The following UPK1B variants were observed in gnomAD, a reference collection of about 807,000 sequenced individuals.
UPK1B encodes uroplakin-1b.
Under a neutral mutation model 34.2 loss-of-function variants are expected in UPK1B, and 28 were observed. That is an observed-to-expected ratio of 0.82 (90% CI 0.61 to 1.12). UPK1B has a LOEUF of 1.12. Among genes scored for constraint, UPK1B ranks in the 50% most tolerant of loss-of-function variants. The pLI, the probability that UPK1B is intolerant of heterozygous loss-of-function variation, is 0.00. For missense variants in UPK1B, 325 were observed against 320.9 expected (o/e 1.01, Z -0.10); for synonymous variants, 81 against 110.4 (o/e 0.73, Z 1.67).
intron 4 of UPK1B, 132 bp from the exon 5 acceptor site, chr3:119,190,850 G>C: frequency 5.5e-6 from 7 of 1,277,844 alleles, no homozygotes; most frequent in Non-Finnish European, 7.6e-6. Context: ...GCTGTACTTG[G>C]TGCCTCTGAG....
intron 3 of UPK1B, among the ~76,000 whole-genome samples, chr3:119,188,953 T>C (rs927330634): frequency 1.3e-5 from 2 of 152,092 alleles, no homozygotes; most frequent in African/African-American, 4.8e-5. Context: ...TTAGTGTGCG[T>C]AAGTTCCAGG....
intron 1 of UPK1B, among the ~76,000 whole-genome samples, chr3:119,180,969 G>A (rs149273544): frequency 6.6e-6 from 1 of 150,750 alleles, no homozygotes; most frequent in African/African-American, 2.4e-5. Flanking sequence ...ATGAGGGGCA[G>A]GGGGAAGTCT....
In UPK1B at chr3:119,191,121, T is replaced by C; in HGVS notation, c.468+17T>C. 1 of 1,612,650 alleles carries C rather than the reference T, an allele frequency of 6.2e-7. No homozygotes were observed. Among genetic ancestry groups the C allele is most frequent in the African/African-American group, 1.3e-5 (1 of 74,950 alleles). On this transcript the variant is annotated intron_variant, in intron 5 of 7. Transcript: ENST00000264234. ...ATGCTCCAGGTAAGACCTGTGGTCT[T>C]GGGGAGATGCCATTTTTACTTACTG...
intron 3 of UPK1B, among the ~76,000 whole-genome samples, chr3:119,189,323 C>T (rs2078033867): frequency 6.6e-6 from 1 of 152,186 alleles, no homozygotes; most frequent in African/African-American, 2.4e-5. Context: ...GGGTCCTGCT[C>T]GGAGAGCCTC....
intron 1 of UPK1B, among the ~76,000 whole-genome samples, chr3:119,185,567 T>G (rs1414404187): frequency 6.6e-6 from 1 of 151,562 alleles, no homozygotes; most frequent in Non-Finnish European, 1.5e-5. Context: ...CTCAGGACTC[T>G]CACAATATTT....
At chr3:119,193,787 A>G (rs1036816670) in intron 5 of UPK1B, among the ~76,000 whole-genome samples, 105 of 152,148 alleles carry the variant, frequency 6.9e-4, no homozygotes, top group Non-Finnish European at 6.3e-4. Flanking sequence ...CCTCTCTCAC[A>G]TTGTTATATC....
At chr3:119,200,073 T>G (rs909344707) in intron 7 of UPK1B, among the ~76,000 whole-genome samples, 12 of 152,228 alleles carry the variant, frequency 7.9e-5, no homozygotes, top group Admixed American at 7.9e-4. Flanking sequence ...ATTTGCACCT[T>G]CATTCAATCT....
At chr3:119,189,614 G>A (rs1432054142) in intron 3 of UPK1B, among the ~76,000 whole-genome samples, 1 of 152,194 alleles carries the variant, frequency 6.6e-6, no homozygotes, top group Non-Finnish European at 1.5e-5. Flanking sequence ...TCACTCAACT[G>A]AACCAATGTA....
At chr3:119,197,253 G>A (rs1464067346) in intron 6 of UPK1B, among the ~76,000 whole-genome samples, 1 of 152,114 alleles carries the variant, frequency 6.6e-6, no homozygotes, top group Non-Finnish European at 1.5e-5. Context: ...AATGCTATGT[G>A]CAAATTGTGA....
intron 1 of UPK1B, among the ~76,000 whole-genome samples, chr3:119,180,601 A>G (rs559854772): frequency 4.5e-4 from 68 of 152,258 alleles, no homozygotes; most frequent in African/African-American, 1.5e-3. Flanking sequence ...TAGAGAAGTC[A>G]CCATTTGTCC....
chr3:119,196,835 G>A (rs2078070106), intron 6 of UPK1B, among the ~76,000 whole-genome samples: 1 of 151,970 alleles, frequency 6.6e-6, no homozygotes, highest in Admixed American at 6.6e-5. Flanking sequence ...ACCGTGCCCA[G>A]CCTGGTTTTT....
At chr3:119,177,144 T>C (rs886592594) in intron 1 of UPK1B, among the ~76,000 whole-genome samples, 2 of 152,218 alleles carry the variant, frequency 1.3e-5, no homozygotes, top group Non-Finnish European at 2.9e-5. Flanking sequence ...GAGTCTCAAA[T>C]TGTGGCATTC....
At chr3:119,176,146 T>C (rs971744230) in intron 1 of UPK1B, 1 of 152,280 alleles carries the variant, frequency 6.6e-6, no homozygotes, top group Non-Finnish European at 1.5e-5. Context: ...TGTTTCTTTG[T>C]TTCTTCCTCT....
At chr3:119,183,231 C>T (rs1238284779) in intron 1 of UPK1B, among the ~76,000 whole-genome samples, 4 of 151,772 alleles carry the variant, frequency 2.6e-5, no homozygotes, top group Non-Finnish European at 4.4e-5. Context: ...AGCAATGTGG[C>T]CTTGGGCAAA....
At chr3:119,203,340 C>CAAAA (rs55752613) in intron 7 of UPK1B, among the ~76,000 whole-genome samples, 2,095 of 61,908 alleles carry the variant, frequency 0.034, 236 homozygotes, top group Middle Eastern at 0.05. Context: ...AACTCCGTCT[C>CAAAA]AAAAAAAAAA....
intron 5 of UPK1B, 42 bp downstream of exon 5, chr3:119,191,146 G>T (rs2078042384): frequency 1.9e-6 from 3 of 1,606,750 alleles, no homozygotes; most frequent in Non-Finnish European, 2.6e-6. Context: ...TTTACTTACT[G>T]GTGGGAGTGG....
At chr3:119,188,485 C>G (rs749172418) in intron 3 of UPK1B, among the ~76,000 whole-genome samples, 1 of 152,148 alleles carries the variant, frequency 6.6e-6, no homozygotes, top group Non-Finnish European at 1.5e-5. Flanking sequence ...TGTATCATAG[C>G]CTATACTCCC....
intron 7 of UPK1B, among the ~76,000 whole-genome samples, chr3:119,203,379 A>T (rs957639905): frequency 1.3e-5 from 2 of 150,238 alleles, no homozygotes; most frequent in African/African-American, 4.9e-5. Flanking sequence ...TCTGATATCT[A>T]ACAAAGACAT....
chr3:119,191,142 T>A, intron 5 of UPK1B, 38 bp downstream of exon 5: 1 of 1,609,618 alleles, frequency 6.2e-7, no homozygotes, highest in East Asian at 2.2e-5. Context: ...CATTTTTACT[T>A]ACTGGTGGGA....
Sources: gnomAD v4.1 joint callset for allele counts (sites outside exome capture counted in the v4.1 genomes callset) on GRCh38, gnomAD v4.1.1 for gene constraint, MANE v1.5 for transcripts, NCBI Gene and HGNC (gene_info 2026-07-23, HGNC 2026-07-21) for gene names.